CEP70: variants seen among roughly 807,000 people sequenced by gnomAD.
The protein encoded by CEP70 is centrosomal protein of 70 kDa.
In CEP70, 70 loss-of-function variants were observed where a neutral mutation model predicts 90.9. The ratio of observed to expected loss-of-function variants is 0.77; its 90% CI spans 0.64 to 0.94. CEP70 has a LOEUF of 0.94. Ranked by LOEUF, CEP70 falls within the 40% of genes least tolerant of loss-of-function variation. The pLI is 0.00. For synonymous variants in CEP70, 220 were observed against 228.3 expected, an observed-to-expected ratio of 0.96 and a Z score of 0.33; for missense variants, 648 against 669.0, an observed-to-expected ratio of 0.97 and a Z score of 0.35.
intron 11 of CEP70, among the ~76,000 whole-genome samples, chr3:138,523,600 A>G (rs1321561808): frequency 2.0e-5 from 3 of 152,192 alleles, no homozygotes; most frequent in Non-Finnish European, 4.4e-5. Flanking sequence ...CAGAGAGCCA[A>G]ATCATGAGTG....
chr3:138,563,155 T>G (rs969559529), intron 6 of CEP70, among the ~76,000 whole-genome samples: 1 of 152,138 alleles, frequency 6.6e-6, no homozygotes, highest in African/African-American at 2.4e-5. Context: ...CTAACTATCC[T>G]AAATATATAT....
At chr3:138,519,855 G>C (rs1441852686) in intron 11 of CEP70, among the ~76,000 whole-genome samples, 1 of 152,080 alleles carries the variant, frequency 6.6e-6, no homozygotes. Context: ...ATGTAAATGG[G>C]CTAAATGCTC....
At position 138,525,563 on chromosome 3, in the gene CEP70, G is replaced by T; in HGVS notation, c.871C>A (p.Pro291Thr). Residue 291 changes from proline to threonine, a missense_variant and splice_region_variant, in exon 11 of 18, where the codon CCT (proline) becomes ACT (threonine). By Grantham distance (38) the Pro-to-Thr change is conservative. Transcript: ENST00000264982. The stretch of plus-strand genomic sequence containing the variant: ...TAAAGTCTTAATTCATGCTGCGTAG[G>T]CCTGTGGAAAATAAATAATGATAAA... ...LNLQKDLETR[P>T]TQHELRLYKQ... The T allele has an allele frequency of 7.5e-7, 1 of 1,336,850 alleles. No individual in the cohort carries two copies. Among genetic ancestry groups the T allele is most frequent in the Non-Finnish European group, 9.8e-7 (1 of 1,017,430 alleles). The allele number at this position is 1,336,850 out of a possible 1,614,324, so 82.8% of individuals were successfully genotyped here.
At chr3:138,496,982 C>G (rs1489150260) in intron 17 of CEP70, 2 of 991,834 alleles carry the variant, frequency 2.0e-6, no homozygotes, top group African/African-American at 3.5e-5. Flanking sequence ...AAGTTAATAG[C>G]AATCCCAAAG....
At chr3:138,544,753 T>C (rs1390821418) in intron 6 of CEP70, among the ~76,000 whole-genome samples, 2 of 152,236 alleles carry the variant, frequency 1.3e-5, no homozygotes, top group Middle Eastern at 3.4e-3. Flanking sequence ...TCCTGTCACA[T>C]GCAGCTACAT....
chr3:138,565,670 C>T lies in CEP70; in HGVS notation c.465+4648G>A, dbSNP rs140970320. ...ACTGAAACTGGACCCCTTTCTTACA[C>T]CTTATACAAAAATTAACTCAAGATG... On this transcript the variant is annotated intron_variant, in intron 6 of 17. Coordinates refer to ENST00000264982, the MANE Select transcript of CEP70 (RefSeq NM_024491.4). Among the ~76,000 whole-genome samples the T allele has an allele frequency of 6.8e-3, 1,038 of 152,256 alleles. 5 individuals carry two copies. Among genetic ancestry groups the T allele is most frequent in the Non-Finnish European group, 0.01 (688 of 68,020 alleles).
rs141737856 is a variant in CEP70 at position 138,510,892 on chromosome 3, G to A, written c.945-2348C>T. On this transcript the variant is annotated intron_variant, in intron 11 of 17. Coordinates refer to ENST00000264982, the MANE Select transcript of CEP70 (RefSeq NM_024491.4). ...TTTTTTTTTTTTGAGACGGAGTCTC[G>A]CCCTGTTGCCCAGGCTGGAGTGCAA... 3.0e-3 allele frequency among the ~76,000 whole-genome samples: 363 copies of A among 120,614 alleles called. 10 individuals carry two copies. The East Asian group carries it at 0.054, about 18-fold the overall frequency. The allele number at this position is 120,614 out of a possible 152,430, so 79.1% of individuals were successfully genotyped here.
intron 6 of CEP70, among the ~76,000 whole-genome samples, chr3:138,552,113 C>T (rs914830411): frequency 3.9e-5 from 6 of 152,154 alleles, no homozygotes; most frequent in African/African-American, 1.2e-4. Flanking sequence ...CCTTGTCCAA[C>T]AGGAAAATAT....
At chr3:138,590,052 T>C (rs529261798) in intron 2 of CEP70, among the ~76,000 whole-genome samples, 1 of 151,892 alleles carries the variant, frequency 6.6e-6, no homozygotes, top group East Asian at 1.9e-4. Context: ...AATGGCTATA[T>C]ACTCTGACAA....
chr3:138,500,514 T>C lies in CEP70; in HGVS notation c.1422A>G (p.Gln474=). ...QTLQAIVSHF[Q]KLFDVPSLNG... ...TTAAAGAAGGCACATCAAATAACTTTTGGAAGTGAGAAACAATAGCTTGCA... is the reference window on the plus strand; with the variant it reads ...TTAAAGAAGGCACATCAAATAACTTCTGGAAGTGAGAAACAATAGCTTGCA... The change falls in exon 15 of 18, where the codon CAA becomes CAG. Residue 474 remains glutamine (Q), a synonymous_variant. Coordinates refer to ENST00000264982, the MANE Select transcript of CEP70 (RefSeq NM_024491.4). 6.2e-7 allele frequency: 1 copy of C among 1,612,254 alleles called. No individual in the cohort carries two copies. Among genetic ancestry groups the C allele is most frequent in the Non-Finnish European group, 8.5e-7 (1 of 1,179,542 alleles).
chr3:138,527,452 T>C (rs2037378461), intron 10 of CEP70, among the ~76,000 whole-genome samples: 2 of 151,938 alleles, frequency 1.3e-5, no homozygotes, highest in Non-Finnish European at 2.9e-5. Context: ...ATTAACACTT[T>C]GGGAGGCCGA....
intron 6 of CEP70, among the ~76,000 whole-genome samples, chr3:138,559,147 A>G (rs2040219601): frequency 6.6e-6 from 1 of 152,178 alleles, no homozygotes; most frequent in Non-Finnish European, 1.5e-5. Flanking sequence ...TAAAACTAAA[A>G]AATACAATAA....
At chr3:138,513,887 C>A (rs1455411065) in intron 11 of CEP70, among the ~76,000 whole-genome samples, 1 of 151,862 alleles carries the variant, frequency 6.6e-6, no homozygotes, top group African/African-American at 2.4e-5. Context: ...AAGAAGAGTC[C>A]ATGTTCTCCC....
chr3:138,552,625 G>A (rs556497053), intron 6 of CEP70, among the ~76,000 whole-genome samples: 44 of 152,190 alleles, frequency 2.9e-4, no homozygotes, highest in East Asian at 1.9e-3. Flanking sequence ...TCTTTGAACC[G>A]AGAGATAATA....
At chr3:138,508,364 T>C in intron 12 of CEP70, 75 bp downstream of exon 12, 2 of 935,452 alleles carry the variant, frequency 2.1e-6, no homozygotes, top group Non-Finnish European at 3.5e-6. Flanking sequence ...CAACTGATAA[T>C]TTATTACACC....
chr3:138,503,138 T>C (rs1239717881), intron 13 of CEP70, among the ~76,000 whole-genome samples: 2 of 152,198 alleles, frequency 1.3e-5, no homozygotes, highest in Non-Finnish European at 2.9e-5. Flanking sequence ...CATAATTCTT[T>C]TCATCTTGTA....
At chr3:138,495,206 T>A in intron 17 of CEP70, 130 bp from the exon 18 acceptor site, 1 of 582,774 alleles carries the variant, frequency 1.7e-6, no homozygotes, top group South Asian at 2.1e-5. Flanking sequence ...TTTGTGCACA[T>A]GAAGTTTTTC....
intron 6 of CEP70, among the ~76,000 whole-genome samples, chr3:138,538,663 A>G (rs574313399): frequency 3.3e-5 from 5 of 152,342 alleles, no homozygotes; most frequent in African/African-American, 1.2e-4. Flanking sequence ...AGATGGAAAA[A>G]GGAGCCAGTG....
At chr3:138,513,839 A>C (rs1453070892) in intron 11 of CEP70, among the ~76,000 whole-genome samples, 1 of 152,186 alleles carries the variant, frequency 6.6e-6, no homozygotes, top group Non-Finnish European at 1.5e-5. Flanking sequence ...CTTCCTAAGA[A>C]GGAAATTTTA....
Sources: gnomAD v4.1 joint callset for allele counts (sites outside exome capture counted in the v4.1 genomes callset) on GRCh38, gnomAD v4.1.1 for gene constraint, MANE v1.5 for transcripts, NCBI Gene and HGNC (gene_info 2026-07-23, HGNC 2026-07-21) for gene names.